The following RPN2 variants were observed in gnomAD, a reference collection of about 807,000 sequenced individuals.
RPN2 encodes dolichyl-diphosphooligosaccharide--protein glycosyltransferase subunit 2.
A neutral mutation model predicts 71.4 loss-of-function variants in RPN2; 29 were observed. That is an observed-to-expected ratio of 0.41 (90% CI 0.30 to 0.55). The LOEUF (loss-of-function observed/expected upper bound fraction) is 0.55. Among genes scored for constraint, RPN2 ranks in the 20% least tolerant of loss-of-function variants. The pLI is 0.35. For synonymous variants in RPN2, 308 were observed against 305.0 expected (o/e 1.01, Z -0.10); for missense variants, 726 against 774.1 (o/e 0.94, Z 0.74).
intron 2 of RPN2, among the ~76,000 whole-genome samples, chr20:37,193,743 T>C (rs1347843792): frequency 1.3e-5 from 2 of 152,200 alleles, no homozygotes; most frequent in East Asian, 3.8e-4. Context: ...ATGAGGTTTG[T>C]CTGGGAAAGA....
intron 7 of RPN2, 149 bp from the exon 8 acceptor site, chr20:37,209,898 G>A (rs2067615573): frequency 7.3e-7 from 1 of 1,361,740 alleles, no homozygotes; most frequent in Non-Finnish European, 1.0e-6. Flanking sequence ...TTTAGGATTA[G>A]GCAGCAGGCC....
Position 37,238,669 on chromosome 20 carries a change from T to C in RPN2, c.1883+1960T>C, listed in dbSNP as rs561007789. On this transcript the variant is annotated intron_variant, in intron 16 of 16. Transcript: ENST00000237530. Reference sequence around the variant, plus strand: ...GTTAGCCCAGCTGATGGGATAACTTTGCAGTGAGCAGCTTTGGCCTGGCTT... The same window carrying C: ...GTTAGCCCAGCTGATGGGATAACTTCGCAGTGAGCAGCTTTGGCCTGGCTT... The C allele has an allele frequency of 2.3e-5, 17 of 740,624 alleles. No homozygotes were observed. The African/African-American group carries it at 2.7e-4, about 12-fold the overall frequency. The allele number at this position is 740,624 out of a possible 1,614,324, so 45.9% of individuals were successfully genotyped here. A position where few individuals can be genotyped will look rare whatever the true frequency, so the allele number is the denominator to read the frequency against.
chr20:37,191,658 CT>C lies in RPN2; in HGVS notation c.208-6726del, dbSNP rs780662238. Among the ~76,000 whole-genome samples the C allele has an allele frequency of 6.9e-3, 995 of 144,436 alleles. 6 individuals carry two copies. The highest frequency in any genetic ancestry group is 0.019 in the African/African-American group (763 of 39,602). The allele number at this position is 144,436 out of a possible 152,430, so 94.8% of individuals were successfully genotyped here. ...TGGCGGGTGCCTGTAGTCCCAGCTA[CT>C]TTTTTTTTTTTTGAGACTCTGTCTC... On this transcript the variant is annotated intron_variant, in intron 2 of 16. Transcript: ENST00000237530.
rs1241885244 is a variant in RPN2 at position 37,225,773 on chromosome 20, A to G, written c.1270A>G (p.Asn424Asp). 2 of 1,613,902 alleles carry G rather than the reference A, an allele frequency of 1.2e-6. No individual in the cohort carries two copies. The highest frequency in any genetic ancestry group is 2.2e-5 in the South Asian group (2 of 91,078). The change falls in exon 11 of 17, where the codon AAC (asparagine) becomes GAC (aspartate). Residue 424 changes from asparagine to aspartate, a missense_variant. Transcript: ENST00000237530. ...FALFFQLVDV[N>D]TGAELTPHQT... ...CTTGTTCTTCCAGCTGGTAGATGTG[A>G]ACACTGGTGCTGAACTCACTCCTCA...
rs562016524 is a variant in RPN2 at position 37,199,343 on chromosome 20, G to A, written c.479+118G>A. 634 of 1,273,684 alleles carry A rather than the reference G, an allele frequency of 5.0e-4. 5 individuals are homozygous for A. The Middle Eastern group carries it at 6.5e-3, about 13-fold the overall frequency. The allele number at this position is 1,273,684 out of a possible 1,614,324, so 78.9% of individuals were successfully genotyped here. On this transcript the variant is annotated intron_variant, in intron 4 of 16. Coordinates refer to ENST00000237530, the MANE Select transcript of RPN2 (RefSeq NM_002951.5). ...GCAAGTACTTGCAGTAAATACTTCC[G>A]TGTGCCAGGTGCTCTGCAAGGCACC... is the stretch of plus-strand genomic sequence containing the variant.
At chr20:37,238,584 G>C (rs534715718) in intron 16 of RPN2, 2 of 740,870 alleles carry the variant, frequency 2.7e-6, no homozygotes, top group Non-Finnish European at 4.9e-6. Context: ...GCTGAATTCT[G>C]AGGCTGCTTT....
At chr20:37,233,262 T>A (rs1455112024) in intron 14 of RPN2, among the ~76,000 whole-genome samples, 1 of 152,072 alleles carries the variant, frequency 6.6e-6, no homozygotes, top group Non-Finnish European at 1.5e-5. Context: ...GTGTTGGTCA[T>A]CTCTGAGGAG....
intron 9 of RPN2, among the ~76,000 whole-genome samples, chr20:37,220,656 A>G (rs1418177415): frequency 6.6e-6 from 1 of 152,200 alleles, no homozygotes; most frequent in African/African-American, 2.4e-5. Flanking sequence ...TCCCTTTCCT[A>G]TTATAAAAAC....
chr20:37,234,072 T>G lies in RPN2; in HGVS notation c.1730T>G (p.Ile577Ser). Residue 577 changes from isoleucine (I) to serine (S), a missense_variant, in exon 15 of 17, where the codon ATT (isoleucine) becomes AGT (serine). Transcript: ENST00000237530. Reference protein sequence around the residue: ...VSNFTFAPSTIIFHLGHAAML... With the variant: ...VSNFTFAPSTSIFHLGHAAML... Reference sequence around the variant, plus strand: ...AACTTCACTTTTGCTCCTAGCACGATTATATTTCACCTGGGACATGCTGGT... The same window carrying G: ...AACTTCACTTTTGCTCCTAGCACGAGTATATTTCACCTGGGACATGCTGGT... 6.2e-7 allele frequency: 1 copy of G among 1,614,216 alleles called. No individual in the cohort carries two copies. Among genetic ancestry groups the G allele is most frequent in the South Asian group, 1.1e-5 (1 of 91,082 alleles).
intron 16 of RPN2, among the ~76,000 whole-genome samples, chr20:37,237,273 A>C (rs1308749003): frequency 6.6e-6 from 1 of 152,226 alleles, no homozygotes; most frequent in African/African-American, 2.4e-5. Context: ...AGACCTTGAC[A>C]TGAGGGCAGC....
intron 4 of RPN2, among the ~76,000 whole-genome samples, chr20:37,199,514 C>T (rs1200886215): frequency 2.0e-5 from 3 of 152,082 alleles, no homozygotes; most frequent in Non-Finnish European, 2.9e-5. Flanking sequence ...TTGCCTTGTG[C>T]GGTTGGAGGG....
intron 9 of RPN2, 119 bp downstream of exon 9, chr20:37,213,984 A>G: frequency 1.3e-6 from 1 of 781,096 alleles, no homozygotes; most frequent in African/African-American, 1.7e-5. Flanking sequence ...TAATGTGTTT[A>G]TGTGGAGGGA....
At chr20:37,210,915 A>G (rs1035644485) in intron 8 of RPN2, among the ~76,000 whole-genome samples, 1 of 151,978 alleles carries the variant, frequency 6.6e-6, no homozygotes, top group Non-Finnish European at 1.5e-5. Context: ...AGGGCCAGGC[A>G]TGGGGCTCAT....
intron 2 of RPN2, among the ~76,000 whole-genome samples, chr20:37,198,124 T>C (rs1240318438): frequency 6.6e-6 from 1 of 152,200 alleles, no homozygotes; most frequent in Admixed American, 6.5e-5. Context: ...CCCAGCACAG[T>C]CCATGGCCAG....
chr20:37,205,953 T>TCAC (rs1334038855), intron 6 of RPN2, among the ~76,000 whole-genome samples: 4 of 152,238 alleles, frequency 2.6e-5, no homozygotes, highest in African/African-American at 9.6e-5. Flanking sequence ...AATTTCGCTG[T>TCAC]CACTGCTTTT....
intron 8 of RPN2, among the ~76,000 whole-genome samples, chr20:37,210,990 C>A (rs1375278595): frequency 6.6e-6 from 1 of 151,862 alleles, no homozygotes; most frequent in Non-Finnish European, 1.5e-5. Context: ...GAGTTTGAGA[C>A]CAGCCTGGGC....
intron 12 of RPN2, 91 bp downstream of exon 12, chr20:37,228,835 T>A: frequency 8.2e-7 from 1 of 1,225,684 alleles, no homozygotes; most frequent in East Asian, 2.3e-5. Flanking sequence ...CTCTTCACCT[T>A]CGCCTTGCCT....
chr20:37,210,031 T>C lies in RPN2; in HGVS notation c.868-16T>C. The stretch of plus-strand genomic sequence containing the variant: ...GTAGCCTTTGTTGTAACAAATAATT[T>C]TTTATTTATTTCCAGTTGCAAGTCA... On this transcript the variant is annotated splice_polypyrimidine_tract_variant and intron_variant, in intron 7 of 16. Transcript: ENST00000237530. 2 of 1,613,164 alleles carry C rather than the reference T, an allele frequency of 1.2e-6. No homozygotes were observed. Among genetic ancestry groups the C allele is most frequent in the South Asian group, 2.2e-5 (2 of 91,074 alleles).
intron 2 of RPN2, among the ~76,000 whole-genome samples, chr20:37,197,404 T>A (rs1280013758): frequency 1.3e-5 from 2 of 152,150 alleles, no homozygotes; most frequent in Non-Finnish European, 2.9e-5. Context: ...GGCAAGGGCC[T>A]GCTGTAAGGC....
Sources: allele counts gnomAD v4.1 joint callset (sites outside exome capture counted in the v4.1 genomes callset), GRCh38; gene constraint gnomAD v4.1.1; transcripts MANE v1.5; gene names NCBI Gene and HGNC (gene_info 2026-07-23, HGNC 2026-07-21).